The following DNAH7 variants were observed in gnomAD, a reference collection of about 807,000 sequenced individuals.
DNAH7 encodes the protein axonemal beta dynein heavy chain 7.
A neutral mutation model predicts 444.6 loss-of-function variants in DNAH7; 397 were observed. The ratio of observed to expected loss-of-function variants is 0.89; its 90% confidence interval spans 0.82 to 0.97. The LOEUF is 0.97. Ranked by LOEUF, DNAH7 falls within the 50% of genes least tolerant of loss-of-function variation. The pLI is 0.00. For missense variants in DNAH7, 4,902 were observed against 4,800.8 expected, an observed-to-expected ratio of 1.02 and a Z score of -0.62; for synonymous variants, 1,636 against 1,624.4, an observed-to-expected ratio of 1.01 and a Z score of -0.17.
intron 9 of DNAH7, among the ~76,000 whole-genome samples, chr2:196,015,828 AC>A (rs1367041838): frequency 2.6e-5 from 4 of 152,206 alleles, no homozygotes; most frequent in Non-Finnish European, 5.9e-5. Flanking sequence ...AATGCTGGCT[AC>A]TACTCAGAGG....
At chr2:195,911,621 T>C (rs956850142) in intron 24 of DNAH7, among the ~76,000 whole-genome samples, 1 of 151,904 alleles carries the variant, frequency 6.6e-6, no homozygotes, top group African/African-American at 2.4e-5. Context: ...AAAAGAAAAT[T>C]ACCTACAAAA....
intron 47 of DNAH7, among the ~76,000 whole-genome samples, chr2:195,838,183 G>T (rs2124977578): frequency 6.6e-6 from 1 of 152,200 alleles, no homozygotes; most frequent in African/African-American, 2.4e-5. Context: ...CCCACAGAAG[G>T]AGAACTAAGA....
At chr2:195,981,835 AT>A (rs1338869966) in intron 15 of DNAH7, among the ~76,000 whole-genome samples, 3 of 152,216 alleles carry the variant, frequency 2.0e-5, no homozygotes, top group African/African-American at 7.2e-5. Context: ...AAAGACTTAA[AT>A]CTAAGACCTC....
chr2:195,934,804 AT>A lies in DNAH7; in HGVS notation c.3273-16del, dbSNP rs768814206. On this transcript the variant is annotated splice_polypyrimidine_tract_variant and intron_variant, in intron 20 of 64. Coordinates refer to ENST00000312428, the MANE Select transcript of DNAH7 (RefSeq NM_018897.3). ...GAGGTTGCACCCTGTCAGGAAAAAC[AT>A]TTTTAAGATAATTAACCAAGTTAAA... 2 of 1,613,464 alleles carry A rather than the reference AT, an allele frequency of 1.2e-6. No homozygotes were observed. Among genetic ancestry groups the A allele is most frequent in the Non-Finnish European group, 1.7e-6 (2 of 1,179,688 alleles).
intron 27 of DNAH7, chr2:195,902,246 T>C (rs1379503432): frequency 6.6e-6 from 1 of 152,182 alleles, no homozygotes; most frequent in Non-Finnish European, 1.5e-5. Context: ...TGTTAATTAC[T>C]AGTTAGAGGC....
intron 21 of DNAH7, among the ~76,000 whole-genome samples, chr2:195,931,323 G>C (rs3921798): frequency 0.3 from 45,187 of 151,636 alleles, 9,447 homozygotes; most frequent in African/African-American, 0.59. Flanking sequence ...TGGATATTAG[G>C]CCTTTGTCAG....
In DNAH7 at chr2:195,987,974, G is replaced by GT. The variant is rs761568740; in HGVS notation, c.1608dup (p.Gln537ThrfsTer14). ...TCATTTACCTTTATGGATGTGTACT[G>GT]TATTTCCTCTATTAGTTTCTGGTAT... On this transcript the variant is annotated frameshift_variant, in exon 13 of 65. Coordinates refer to ENST00000312428, the MANE Select transcript of DNAH7 (RefSeq NM_018897.3). LOFTEE classifies it high-confidence loss of function. 1.1e-5 allele frequency: 17 copies of GT among 1,611,046 alleles called. No individual in the cohort carries two copies. Among genetic ancestry groups the GT allele is most frequent in the Non-Finnish European group, 1.4e-5 (16 of 1,178,496 alleles).
chr2:195,883,982 G>A (rs1240161311), intron 35 of DNAH7, among the ~76,000 whole-genome samples: 1 of 152,202 alleles, frequency 6.6e-6, no homozygotes, highest in Admixed American at 6.5e-5. Context: ...GAAAGGGAAA[G>A]CTGTTCTCAT....
chr2:196,019,434 T>C (rs1695235601), intron 8 of DNAH7, 139 bp from the exon 9 acceptor site: 1 of 578,784 alleles, frequency 1.7e-6, no homozygotes, highest in East Asian at 3.6e-5. Flanking sequence ...AGCAATTATG[T>C]TTTAAAATAT....
In DNAH7 at chr2:195,957,299, C is replaced by T. The variant is rs1246476288; in HGVS notation, c.3040G>A (p.Asp1014Asn). 2 of 1,600,110 alleles carry T rather than the reference C, an allele frequency of 1.2e-6. No individual in the cohort carries two copies. Among genetic ancestry groups the T allele is most frequent in the Non-Finnish European group, 1.7e-6 (2 of 1,170,356 alleles). The stretch of plus-strand genomic sequence containing the variant: ...CTCATTATATCTCTCCATGTCTTAT[C>T]CACAGCTGTAAATCGTCTGCCTTCC... ...PEEGRRFTAV[D>N]KTWRDIMRSV... The change falls in exon 19 of 65, where the codon GAT (aspartate) becomes AAT (asparagine). Residue 1014 changes from aspartate to asparagine, a missense_variant. Transcript: ENST00000312428.
At chr2:195,919,249 A>G (rs1474859041) in intron 24 of DNAH7, among the ~76,000 whole-genome samples, 1 of 151,928 alleles carries the variant, frequency 6.6e-6, no homozygotes, top group Non-Finnish European at 1.5e-5. Flanking sequence ...AAAAAAAAAA[A>G]AAAGATGTTA....
rs1342692814 is a variant in DNAH7, at chr2:195,845,101, G to C, written c.8846C>G (p.Ser2949Cys). 4 of 1,613,744 alleles carry C rather than the reference G, an allele frequency of 2.5e-6. No individual in the cohort carries two copies. The highest frequency in any genetic ancestry group is 1.3e-5 in the African/African-American group (1 of 74,900). ...GRDIPCSDDC[S>C]LMGTLGEAVT... ...AGCTTCTCCCAGGGTACCCATAAGA[G>C]AGCAATCATCTGAGCAGGGGATATC... The change falls in exon 47 of 65, where the codon TCT becomes TGT. Residue 2949 changes from serine (S) to cysteine (C), a missense_variant. Transcript: ENST00000312428.
intron 63 of DNAH7, among the ~76,000 whole-genome samples, chr2:195,752,433 A>C (rs1693846941): frequency 6.6e-6 from 1 of 152,192 alleles, no homozygotes; most frequent in South Asian, 2.1e-4. Flanking sequence ...AGGAGATACC[A>C]AAGTGTAGAT....
At chr2:195,989,897 C>G (rs1184962664) in intron 12 of DNAH7, among the ~76,000 whole-genome samples, 1 of 152,222 alleles carries the variant, frequency 6.6e-6, no homozygotes, top group Non-Finnish European at 1.5e-5. Context: ...ATTATGCTTA[C>G]TGTACAGCTT....
intron 64 of DNAH7, among the ~76,000 whole-genome samples, chr2:195,738,359 A>C (rs1692780719): frequency 6.6e-6 from 1 of 152,102 alleles, no homozygotes; most frequent in Non-Finnish European, 1.5e-5. Context: ...CTACCTATTT[A>C]TCTCTCACTC....
At chr2:195,834,699 A>T (rs1437127810) in intron 47 of DNAH7, among the ~76,000 whole-genome samples, 5 of 152,232 alleles carry the variant, frequency 3.3e-5, no homozygotes, top group African/African-American at 1.2e-4. Flanking sequence ...GTTGGAAATA[A>T]GGAAACTCCA....
chr2:196,043,198 A>C (rs1017180626), intron 5 of DNAH7, among the ~76,000 whole-genome samples: 5 of 152,210 alleles, frequency 3.3e-5, no homozygotes, highest in African/African-American at 1.2e-4. Context: ...AGATCAATTT[A>C]GAGGCATGTG....
At chr2:195,815,650 A>T (rs1172089104) in intron 51 of DNAH7, among the ~76,000 whole-genome samples, 1 of 152,368 alleles carries the variant, frequency 6.6e-6, no homozygotes, top group East Asian at 1.9e-4. Flanking sequence ...TATAAAAGGC[A>T]AAAGTTGTTA....
chr2:195,921,645 ACATTGCT>A (rs1025472853), intron 24 of DNAH7, among the ~76,000 whole-genome samples: 143 of 152,316 alleles, frequency 9.4e-4, no homozygotes, highest in African/African-American at 3.3e-3. Context: ...GGTACAGTGG[ACATTGCT>A]CAGGTGATGG....
Sources: allele counts gnomAD v4.1 joint callset (sites outside exome capture counted in the v4.1 genomes callset), GRCh38; gene constraint gnomAD v4.1.1; transcripts MANE v1.5; gene names NCBI Gene and HGNC (gene_info 2026-07-23, HGNC 2026-07-21).